Variants in KLF17 observed in about 807,000 individuals in gnomAD.
The protein encoded by KLF17 is Krueppel-like factor 17.
Under a neutral mutation model 34.2 loss-of-function variants are expected in KLF17, and 31 were observed. That is an observed-to-expected ratio of 0.91 (90% confidence interval 0.68 to 1.22). The LOEUF (loss-of-function observed/expected upper bound fraction) is 1.22, where lower values mean the gene tolerates loss of function less well. Ranked by LOEUF, KLF17 falls within the 50% of genes most tolerant of loss-of-function variation. KLF17 has a pLI of 0.00. For synonymous variants in KLF17, 179 were observed against 186.7 expected (o/e 0.96, Z 0.34); for missense variants, 478 against 505.2 (o/e 0.95, Z 0.52).
At chr1:44,118,053 C>T (rs1415738512), upstream of KLF17, among the ~76,000 whole-genome samples, 1 of 152,132 alleles carries the variant, frequency 6.6e-6, no homozygotes, top group Admixed American at 6.5e-5. Context: ...CTTCTAGCAC[C>T]GTTGGGCTCT....
the KLF17 span, among the ~76,000 whole-genome samples, chr1:44,100,999 C>G: frequency 1.3e-5 from 2 of 152,146 alleles, no homozygotes; most frequent in Non-Finnish European, 2.9e-5. Context: ...TTTAAAAACA[C>G]AACTACTACA....
chr1:44,092,276 A>G, the KLF17 span, among the ~76,000 whole-genome samples: 1 of 151,554 alleles, frequency 6.6e-6, no homozygotes, highest in African/African-American at 2.4e-5. Flanking sequence ...CGGGAGGCTG[A>G]TGATGCGGTG....
At chr1:44,122,057 C>G (rs1228743379) in intron 1 of KLF17, 5 of 755,586 alleles carry the variant, frequency 6.6e-6, no homozygotes, top group Non-Finnish European at 8.9e-6. Context: ...ATTTTTTTGT[C>G]CCACTTTTAT....
the KLF17 span, among the ~76,000 whole-genome samples, chr1:44,081,234 A>AG: frequency 1.3e-5 from 2 of 151,708 alleles, no homozygotes; most frequent in East Asian, 3.9e-4. Flanking sequence ...AAAAAAAAAA[A>AG]AAAAAAAATT....
At position 44,129,334 on chromosome 1, in the gene KLF17, C is replaced by T. The variant is rs1571992140; in HGVS notation, c.82-19C>T. 6.0e-6 allele frequency: 9 copies of T among 1,504,284 alleles called. No homozygotes were observed. The highest frequency in any genetic ancestry group is 4.6e-5 in the East Asian group (2 of 43,324). The allele number at this position is 1,504,284 out of a possible 1,614,324, so 93.2% of individuals were successfully genotyped here. ...GAACTGGAATTTGAGCAAAAATCAC[C>T]TGACTCTTTTTCCCCAAGGATAACG... On this transcript the variant is annotated intron_variant, in intron 1 of 3. Transcript: ENST00000372299.
chr1:44,119,417 A>AC (rs1273478076), intron 1 of KLF17, among the ~76,000 whole-genome samples: 3 of 151,348 alleles, frequency 2.0e-5, no homozygotes, highest in Non-Finnish European at 2.9e-5. Flanking sequence ...AAAAAAAAAA[A>AC]ACCCCAAAAA....
the KLF17 span, among the ~76,000 whole-genome samples, chr1:44,055,741 T>A: frequency 2.0e-5 from 3 of 152,306 alleles, no homozygotes; most frequent in South Asian, 6.2e-4. Flanking sequence ...CACAATATCC[T>A]TTGAGACCCA....
the KLF17 span, chr1:44,104,411 C>T: frequency 2.2e-6 from 2 of 908,748 alleles, no homozygotes; most frequent in Admixed American, 3.4e-5. Context: ...GGCTCCACTT[C>T]GTCTCCTGAA....
the KLF17 span, among the ~76,000 whole-genome samples, chr1:44,067,246 T>C: frequency 6.6e-6 from 1 of 152,324 alleles, no homozygotes; most frequent in East Asian, 1.9e-4. Context: ...TGTGAATCAT[T>C]TTATTGATCA....
chr1:44,103,353 G>A, the KLF17 span: 1 of 728,954 alleles, frequency 1.4e-6, no homozygotes, highest in Non-Finnish European at 2.5e-6. Context: ...CTCGGACACC[G>A]GCTTCCCGTT....
chr1:44,120,830 C>T (rs1036256223), intron 1 of KLF17, among the ~76,000 whole-genome samples: 3 of 152,030 alleles, frequency 2.0e-5, no homozygotes, highest in African/African-American at 4.8e-5. Flanking sequence ...GTAAATAAAA[C>T]AGATAAGGCT....
chr1:44,089,455 C>T, the KLF17 span, among the ~76,000 whole-genome samples: 3 of 152,276 alleles, frequency 2.0e-5, no homozygotes, highest in African/African-American at 4.8e-5. Context: ...GCCTTTCTAC[C>T]AGCTACGGAT....
chr1:44,085,320 TAG>T, the KLF17 span, among the ~76,000 whole-genome samples: 2 of 151,890 alleles, frequency 1.3e-5, no homozygotes, highest in African/African-American at 4.8e-5. Flanking sequence ...GGAAAGCAAA[TAG>T]AGAGTATGTA....
rs761403973 is a variant in KLF17 at position 44,130,654 on chromosome 1, C to T, written c.1068C>T (p.Asp356=). The T allele has an allele frequency of 6.2e-7, 1 of 1,614,130 alleles. No individual in the cohort carries two copies. The highest frequency in any genetic ancestry group is 8.5e-7 in the Non-Finnish European group (1 of 1,180,012). The part of the protein sequence containing the change: ...DQCSREFMRS[D]HLKQHQKTHR... Reference sequence around the variant, plus strand: ...GCAGCCGGGAGTTCATGAGGTCTGACCATCTCAAGCAACACCAGAAGACTC... The same window carrying T: ...GCAGCCGGGAGTTCATGAGGTCTGATCATCTCAAGCAACACCAGAAGACTC... Residue 356 remains aspartate, a synonymous_variant, in exon 3 of 4, where the codon GAC becomes GAT. Coordinates refer to ENST00000372299, the MANE Select transcript of KLF17 (RefSeq NM_173484.4).
At chr1:44,087,172 T>C in the KLF17 span, among the ~76,000 whole-genome samples, 1 of 152,126 alleles carries the variant, frequency 6.6e-6, no homozygotes, top group Non-Finnish European at 1.5e-5. Flanking sequence ...GGTGAGGAAG[T>C]GTATTGGTCA....
the KLF17 span, among the ~76,000 whole-genome samples, chr1:44,098,740 C>A: frequency 6.6e-6 from 1 of 151,626 alleles, no homozygotes; most frequent in African/African-American, 2.4e-5. Context: ...TTAGTAGAGA[C>A]CAGGTTTCAC....
At chr1:44,101,727 G>T in the KLF17 span, 1 of 152,130 alleles carries the variant, frequency 6.6e-6, no homozygotes, top group Non-Finnish European at 1.5e-5. Context: ...AAAATGCTCA[G>T]TTAAAACCAC....
At chr1:44,102,247 C>T in the KLF17 span, among the ~76,000 whole-genome samples, 2 of 151,862 alleles carry the variant, frequency 1.3e-5, no homozygotes. Flanking sequence ...AAAGAACCCA[C>T]TTTAGGCCGG....
chr1:44,129,204 A>G, intron 1 of KLF17, 149 bp from the exon 2 acceptor site: 3 of 934,530 alleles, frequency 3.2e-6, no homozygotes, highest in Non-Finnish European at 4.6e-6. Flanking sequence ...GCATGTTAGA[A>G]AGCCCAAGCT....
Sources: allele counts gnomAD v4.1 joint callset (sites outside exome capture counted in the v4.1 genomes callset), GRCh38; gene constraint gnomAD v4.1.1; transcripts MANE v1.5; gene names NCBI Gene and HGNC (gene_info 2026-07-23, HGNC 2026-07-21).